RGS12: variants seen among roughly 807,000 people sequenced by gnomAD.
The protein encoded by RGS12 is regulator of G-protein signaling 12.
A neutral mutation model predicts 120.1 loss-of-function variants in RGS12; 66 were observed. That is an observed-to-expected ratio of 0.55 (90% CI 0.45 to 0.67). RGS12 has a LOEUF of 0.67. Among genes scored for constraint, RGS12 ranks in the 30% least tolerant of loss-of-function variants. The probability of loss-of-function intolerance (pLI) is 0.00; values close to 1 mark genes in which losing one functional copy is unlikely to be tolerated. For missense variants in RGS12, 1,859 were observed against 1,957.7 expected (o/e 0.95, Z 0.95); for synonymous variants, 827 against 804.7 (o/e 1.03, Z -0.47).
intron 2 of RGS12, among the ~76,000 whole-genome samples, chr4:3,336,367 G>A (rs1479923345): frequency 6.6e-6 from 1 of 152,220 alleles, no homozygotes. Flanking sequence ...AGAACTACGG[G>A]TGGTTTCTGT....
At position 3,389,544 on chromosome 4, in the gene RGS12, C is replaced by T. The variant is rs771494955; in HGVS notation, c.2020+3107C>T. 9.8e-5 allele frequency among the ~76,000 whole-genome samples: 15 copies of T among 152,288 alleles called. No homozygotes were observed. Among genetic ancestry groups the T allele is most frequent in the Admixed American group, 4.6e-4 (7 of 15,304 alleles). ...CTGGCTCTGCACAGAGCTGGAGCCG[C>T]GGCCGCACAGAAGCCCGTTCTTGTG... On this transcript the variant is annotated intron_variant, in intron 4 of 17. Transcript: ENST00000336727. This position sits in a 1 kb window ranked among gnomAD's most constrained non-coding sequence, Gnocchi z 5.2.
At chr4:3,327,737 A>C (rs1725657512) in intron 2 of RGS12, among the ~76,000 whole-genome samples, 4 of 152,220 alleles carry the variant, frequency 2.6e-5, no homozygotes, top group Admixed American at 1.3e-4. Context: ...ATCTTACCTC[A>C]CTCAAACAAT....
chr4:3,302,829 G>T (rs950201575), intron 1 of RGS12, among the ~76,000 whole-genome samples: 1 of 152,134 alleles, frequency 6.6e-6, no homozygotes, highest in East Asian at 1.9e-4. Flanking sequence ...AGAGTCGTGG[G>T]GGGAGGAGAG....
At chr4:3,378,091 A>T (rs1449142899) in intron 3 of RGS12, 1 of 152,230 alleles carries the variant, frequency 6.6e-6, no homozygotes, top group Non-Finnish European at 1.5e-5. Context: ...CAATGAAAAC[A>T]AGTTATTAAT....
intron 3 of RGS12, among the ~76,000 whole-genome samples, chr4:3,376,435 G>A (rs987896907): frequency 1.3e-5 from 2 of 152,224 alleles, no homozygotes; most frequent in Non-Finnish European, 2.9e-5. Flanking sequence ...GAGTGGAGAG[G>A]GAGATGGAAC....
chr4:3,438,937 C>T (rs1001914624), intron 17 of RGS12, among the ~76,000 whole-genome samples: 6 of 152,000 alleles, frequency 3.9e-5, no homozygotes, highest in Admixed American at 2.0e-4. Context: ...GGCAGGTGGG[C>T]GAGCAGGTGG....
At chr4:3,288,741 T>A (rs1426232495), upstream of RGS12, among the ~76,000 whole-genome samples, 2 of 152,116 alleles carry the variant, frequency 1.3e-5, no homozygotes, top group Admixed American at 1.3e-4. The surrounding 1 kb of genome is among the most constrained non-coding windows in gnomAD (Gnocchi z 5.2). Context: ...TGCAAAGGGA[T>A]CCGGTCCCCG....
At chr4:3,320,275 CG>C (rs1458033545) in intron 2 of RGS12, among the ~76,000 whole-genome samples, 3 of 152,138 alleles carry the variant, frequency 2.0e-5, no homozygotes, top group African/African-American at 7.2e-5. Flanking sequence ...CTCCTTGGGG[CG>C]GGTGACATGG....
intron 3 of RGS12, among the ~76,000 whole-genome samples, chr4:3,382,309 C>G (rs946725065): frequency 3.9e-4 from 60 of 152,308 alleles, no homozygotes; most frequent in African/African-American, 1.4e-3. Flanking sequence ...CTCTCCTTCC[C>G]TGCCCTTCCT....
intron 3 of RGS12, among the ~76,000 whole-genome samples, chr4:3,355,794 C>CAAAAAAAAAAAA (rs372490658): frequency 1.7e-5 from 1 of 58,076 alleles, no homozygotes; most frequent in Admixed American, 2.1e-4. Flanking sequence ...GACCTTGTCT[C>CAAAAAAAAAAAA]AAAAAAAAAA....
rs868056383 is a variant in RGS12 at position 3,438,935 on chromosome 4, G to A, written c.4115-520G>A. Among the ~76,000 whole-genome samples the A allele has an allele frequency of 1.8e-4, 28 of 152,126 alleles. No individual in the cohort carries two copies. In the Middle Eastern group the frequency reaches 9.5e-3, roughly 52 times the overall value. On this transcript the variant is annotated intron_variant, in intron 17 of 17. Coordinates refer to ENST00000336727, the MANE Select transcript of RGS12 (RefSeq NM_001394154.1). ...CGGTGCTGAGGCAGCGAGGCAGGTGGGCGAGCAGGTGGCCAGCCTGGCAGG... is the reference window on the plus strand; with the variant it reads ...CGGTGCTGAGGCAGCGAGGCAGGTGAGCGAGCAGGTGGCCAGCCTGGCAGG...
chr4:3,343,016 A>C lies in RGS12; in HGVS notation c.1961A>C (p.Lys654Thr). 1 of 1,613,512 alleles carries C rather than the reference A, an allele frequency of 6.2e-7. No individual in the cohort carries two copies. The highest frequency in any genetic ancestry group is 8.5e-7 in the Non-Finnish European group (1 of 1,179,580). Residue 654 changes from lysine to threonine, a missense_variant, in exon 3 of 18, where the codon AAG (lysine) becomes ACG (threonine). Coordinates refer to ENST00000336727, the MANE Select transcript of RGS12 (RefSeq NM_001394154.1). The part of the protein sequence containing the change: ...TSARRSFGRS[K>T]RFSITRSLDD... ...GCTCGGAGATCATTTGGGAGATCCA[A>C]GAGATTCAGTATCACTCGCTCCCTT... is the stretch of plus-strand genomic sequence containing the variant.
Position 3,416,055 on chromosome 4 carries a change from G to A in RGS12, c.2361G>A (p.Gln787=). Residue 787 remains glutamine, a synonymous_variant, in exon 7 of 18, where the codon CAG becomes CAA. Transcript: ENST00000336727. ...CCACCCCGGTCAACATCGACAGCCAGGCCCAGCTAGCAGACGACGTCCTCC... is the reference window on the plus strand; with the variant it reads ...CCACCCCGGTCAACATCGACAGCCAAGCCCAGCTAGCAGACGACGTCCTCC... ...KATTPVNIDS[Q]AQLADDVLRA... is the part of the protein sequence containing the mutation. 6.2e-7 allele frequency: 1 copy of A among 1,614,120 alleles called. No homozygotes were observed. The highest frequency in any genetic ancestry group is 8.5e-7 in the Non-Finnish European group (1 of 1,180,022).
chr4:3,301,127 C>T (rs867155285), intron 1 of RGS12, among the ~76,000 whole-genome samples: 128 of 151,352 alleles, frequency 8.5e-4, no homozygotes, highest in African/African-American at 2.9e-3. Flanking sequence ...GGGTCTGTCC[C>T]GGCTGCCCTC....
At chr4:3,370,521 C>CGTCCCG (rs1464919425) in intron 3 of RGS12, among the ~76,000 whole-genome samples, 4 of 152,246 alleles carry the variant, frequency 2.6e-5, no homozygotes, top group African/African-American at 7.2e-5. Flanking sequence ...GACCGCAGCA[C>CGTCCCG]GTCCCGGGCC....
intron 6 of RGS12, 45 bp from the exon 7 acceptor site, chr4:3,415,924 AGGAGTGCGG>A: frequency 6.4e-7 from 1 of 1,556,390 alleles, no homozygotes; most frequent in African/African-American, 1.4e-5. Flanking sequence ...GGCAGGCAGC[AGGAGTGCGG>A]GGAGAGGAAG....
At chr4:3,306,789 G>A (rs1723991626) in intron 1 of RGS12, among the ~76,000 whole-genome samples, 1 of 152,094 alleles carries the variant, frequency 6.6e-6, no homozygotes, top group East Asian at 1.9e-4. Context: ...GACGCTGGTG[G>A]GTGGGAACAA....
At chr4:3,408,198 G>C (rs1203442582) in intron 4 of RGS12, among the ~76,000 whole-genome samples, 2 of 152,228 alleles carry the variant, frequency 1.3e-5, no homozygotes, top group African/African-American at 4.8e-5. Flanking sequence ...TGGAGCTGGG[G>C]TCGGAATGGT....
chr4:3,394,703 G>C (rs28457232), intron 4 of RGS12, among the ~76,000 whole-genome samples: 7,671 of 152,184 alleles, frequency 0.05, 608 homozygotes, highest in African/African-American at 0.17. Flanking sequence ...GTACATACAT[G>C]ATCAATAAGC....
Sources: gnomAD v4.1 joint callset for allele counts (sites outside exome capture counted in the v4.1 genomes callset) on GRCh38, gnomAD v4.1.1 for gene constraint, Gnocchi (gnomAD v3.1) non-coding constraint, MANE v1.5 for transcripts, NCBI Gene and HGNC (gene_info 2026-07-23, HGNC 2026-07-21) for gene names.